The following ZNF521 variants were observed in gnomAD, a reference collection of about 807,000 sequenced individuals.
The protein encoded by ZNF521 is zinc finger protein 521, also known as LYST-interacting protein 3.
Under a neutral mutation model 105.5 loss-of-function variants are expected in ZNF521, and 14 were observed. That is an observed-to-expected ratio of 0.13 (90% CI 0.09 to 0.21). The LOEUF is 0.21. ZNF521 is among the 10% of genes least tolerant of loss of function. ZNF521 has a pLI of 1.00. For synonymous variants in ZNF521, 635 were observed against 606.0 expected (o/e 1.05, Z -0.70); for missense variants, 1,233 against 1,629.7 (o/e 0.76, Z 4.19).
chr18:25,183,666 T>C (rs2035671450), intron 5 of ZNF521, among the ~76,000 whole-genome samples: 1 of 152,174 alleles, frequency 6.6e-6, no homozygotes, highest in African/African-American at 2.4e-5. Context: ...GCATATTAAA[T>C]AGTATAATGT....
At chr18:25,200,549 A>G (rs1033334523) in intron 4 of ZNF521, among the ~76,000 whole-genome samples, 1 of 152,144 alleles carries the variant, frequency 6.6e-6, no homozygotes, top group African/African-American at 2.4e-5. Context: ...AAGTCTATCT[A>G]AGACACTCTC....
chr18:25,078,803 T>G (rs2033424656), intron 7 of ZNF521, among the ~76,000 whole-genome samples: 1 of 152,242 alleles, frequency 6.6e-6, no homozygotes, highest in Admixed American at 6.5e-5. Context: ...AGGTGCAGTT[T>G]CATCCTTTGT....
At chr18:25,269,381 C>T (rs113652306) in intron 3 of ZNF521, among the ~76,000 whole-genome samples, 51 of 152,198 alleles carry the variant, frequency 3.4e-4, no homozygotes, top group African/African-American at 4.8e-4. Flanking sequence ...GACAGATCAA[C>T]GCGACAGAAA....
intron 5 of ZNF521, among the ~76,000 whole-genome samples, chr18:25,150,320 T>C (rs1006133491): frequency 6.6e-6 from 1 of 152,072 alleles, no homozygotes; most frequent in African/African-American, 2.4e-5. Context: ...AGACTACAAA[T>C]TGAGTACAGT....
intron 2 of ZNF521, among the ~76,000 whole-genome samples, chr18:25,325,464 G>A (rs751745024): frequency 1.3e-5 from 2 of 152,156 alleles, no homozygotes; most frequent in African/African-American, 4.8e-5. Flanking sequence ...ATGCCTGTAA[G>A]TACTGCCCTG....
At chr18:25,299,001 G>A (rs891753437) in intron 3 of ZNF521, among the ~76,000 whole-genome samples, 5 of 152,154 alleles carry the variant, frequency 3.3e-5, no homozygotes, top group East Asian at 1.9e-4. Flanking sequence ...CATCCTGGGC[G>A]CAGTAGCAGC....
chr18:25,173,705 T>C (rs1287779045), intron 5 of ZNF521, among the ~76,000 whole-genome samples: 2 of 152,088 alleles, frequency 1.3e-5, no homozygotes, highest in Non-Finnish European at 2.9e-5. Flanking sequence ...GGGAAAAATA[T>C]AAAACGAAGT....
At chr18:25,311,406 A>G (rs955594234) in intron 3 of ZNF521, among the ~76,000 whole-genome samples, 7 of 151,840 alleles carry the variant, frequency 4.6e-5, no homozygotes, top group African/African-American at 1.2e-4. Flanking sequence ...AAAAAATTCA[A>G]CCTCTTAAGT....
At chr18:25,087,479 T>A (rs2033648910) in intron 7 of ZNF521, among the ~76,000 whole-genome samples, 1 of 152,186 alleles carries the variant, frequency 6.6e-6, no homozygotes, top group Admixed American at 6.6e-5. Context: ...TTGCAAACAT[T>A]TTTGTTTTCA....
intron 4 of ZNF521, among the ~76,000 whole-genome samples, chr18:25,223,065 G>A (rs745675561): frequency 6.6e-6 from 1 of 152,146 alleles, no homozygotes; most frequent in Admixed American, 6.5e-5. Context: ...AAAAAATTCC[G>A]AAGTAAAAAC....
chr18:25,306,392 TG>T (rs919202297), intron 3 of ZNF521, among the ~76,000 whole-genome samples: 1 of 152,108 alleles, frequency 6.6e-6, no homozygotes, highest in Non-Finnish European at 1.5e-5. Flanking sequence ...ATTTCTTTTT[TG>T]GGGGGGAAAG....
chr18:25,065,464 T>C (rs2033031287), intron 7 of ZNF521, among the ~76,000 whole-genome samples: 1 of 152,176 alleles, frequency 6.6e-6, no homozygotes, highest in Non-Finnish European at 1.5e-5. Context: ...ATTTTGTGTT[T>C]AGACTTGGGT....
intron 4 of ZNF521, among the ~76,000 whole-genome samples, chr18:25,217,505 G>A (rs940158361): frequency 8.5e-5 from 13 of 152,160 alleles, no homozygotes; most frequent in Non-Finnish European, 1.3e-4. Flanking sequence ...AGAGGAAAAC[G>A]TTTCAGGAGA....
Position 25,225,489 on chromosome 18 carries a change from T to A in ZNF521, c.2429A>T (p.Asn810Ile), listed in dbSNP as rs1187890555. The change falls in exon 4 of 8, where the codon AAC (asparagine) becomes ATC (isoleucine). Residue 810 changes from asparagine (N) to isoleucine (I), a missense_variant. Physicochemically the swap from Asn to Ile is moderately radical, Grantham distance 149. Coordinates refer to ENST00000361524, the MANE Select transcript of ZNF521 (RefSeq NM_015461.3). The surrounding 1 kb of genome is among the most constrained non-coding windows in gnomAD (Gnocchi z 5.6). Reference sequence around the variant, plus strand: ...GAAGGCTTTGCTACAGAACTTGCAGTTGTACTTCTTACTGTGAGTGGTGAT... The same window carrying A: ...GAAGGCTTTGCTACAGAACTTGCAGATGTACTTCTTACTGTGAGTGGTGAT... ...CHITTHSKKYNCKFCSKAFHA... is the reference protein window; with the variant it reads ...CHITTHSKKYICKFCSKAFHA... 7.4e-6 allele frequency: 12 copies of A among 1,614,106 alleles called. No individual in the cohort carries two copies. Among genetic ancestry groups the A allele is most frequent in the Admixed American group, 3.3e-5 (2 of 60,006 alleles).
chr18:25,094,529 A>G (rs901919711), intron 5 of ZNF521, among the ~76,000 whole-genome samples: 2 of 152,114 alleles, frequency 1.3e-5, no homozygotes, highest in Admixed American at 1.3e-4. Context: ...AATGATAACA[A>G]TCACATCTAC....
intron 5 of ZNF521, among the ~76,000 whole-genome samples, chr18:25,142,105 C>T (rs1456714187): frequency 6.6e-6 from 1 of 152,092 alleles, no homozygotes; most frequent in Non-Finnish European, 1.5e-5. Context: ...AAAAAGGGAA[C>T]ATATGGAAGA....
intron 3 of ZNF521, among the ~76,000 whole-genome samples, chr18:25,270,727 C>G (rs1568046618): frequency 6.6e-6 from 1 of 152,058 alleles, no homozygotes; most frequent in South Asian, 2.1e-4. Flanking sequence ...AATTCAACAG[C>G]CCTTCATGTT....
chr18:25,232,912 G>A (rs781666370), intron 3 of ZNF521, among the ~76,000 whole-genome samples: 1 of 152,140 alleles, frequency 6.6e-6, no homozygotes, highest in Non-Finnish European at 1.5e-5. Flanking sequence ...CAGGCTATAG[G>A]AGCAGTTCTG....
At chr18:25,336,341 T>G (rs762673208) in intron 2 of ZNF521, among the ~76,000 whole-genome samples, 5 of 152,154 alleles carry the variant, frequency 3.3e-5, no homozygotes, top group Non-Finnish European at 5.9e-5. Flanking sequence ...TCTTTTTAAT[T>G]TAAGGATTAT....
Sources: gnomAD v4.1 joint callset for allele counts (sites outside exome capture counted in the v4.1 genomes callset) on GRCh38, gnomAD v4.1.1 for gene constraint, Gnocchi (gnomAD v3.1) non-coding constraint, MANE v1.5 for transcripts, NCBI Gene and HGNC (gene_info 2026-07-23, HGNC 2026-07-21) for gene names.